The following CSMD1 variants were observed in gnomAD, a reference collection of about 807,000 sequenced individuals.
CSMD1 encodes the protein CUB and sushi domain-containing protein 1.
A neutral mutation model predicts 417.5 loss-of-function variants in CSMD1; 213 were observed. The observed-to-expected ratio is 0.51, with a 90% CI of 0.46 to 0.57. The LOEUF is 0.57. CSMD1 is among the 20% of genes least tolerant of loss of function. The pLI, the probability that CSMD1 is intolerant of heterozygous loss-of-function variation, is 0.00. For missense variants in CSMD1, 6,923 were observed against 4,529.7 expected (o/e 1.53, Z -15.17); for synonymous variants, 2,862 against 1,736.8 (o/e 1.65, Z -16.11).
At chr8:3,006,864 C>G in intron 52 of CSMD1, among the ~76,000 whole-genome samples, 1 of 143,354 alleles carries the variant, frequency 7.0e-6, no homozygotes, top group Admixed American at 6.7e-5. Context: ...TAGGCATGGG[C>G]AAAGACTTCA....
At chr8:3,789,385 G>C (rs1253852599) in intron 5 of CSMD1, among the ~76,000 whole-genome samples, 1 of 61,228 alleles carries the variant, frequency 1.6e-5, no homozygotes, top group Non-Finnish European at 3.1e-5. Flanking sequence ...TTTTTTTTAA[G>C]TAGTGTTTTT....
intron 49 of CSMD1, among the ~76,000 whole-genome samples, chr8:3,057,035 C>G (rs1031113129): frequency 1.3e-5 from 2 of 151,900 alleles, no homozygotes; most frequent in South Asian, 4.2e-4. Flanking sequence ...ATATTAGAGA[C>G]AGATAATGGA....
At chr8:4,619,851 T>C (rs770557015) in intron 2 of CSMD1, among the ~76,000 whole-genome samples, 1 of 152,068 alleles carries the variant, frequency 6.6e-6, no homozygotes. Flanking sequence ...AATAATTCCA[T>C]GATAAAATGA....
chr8:3,407,034 G>T (rs540086684), intron 14 of CSMD1, among the ~76,000 whole-genome samples: 214 of 152,222 alleles, frequency 1.4e-3, no homozygotes, highest in African/African-American at 4.9e-3. Flanking sequence ...AGAATAGAAG[G>T]AAGAAAGGAA....
intron 7 of CSMD1, among the ~76,000 whole-genome samples, chr8:3,639,202 C>G (rs1312990829): frequency 1.3e-5 from 2 of 152,316 alleles, no homozygotes; most frequent in African/African-American, 4.8e-5. Context: ...AAAGTAAAGA[C>G]ACAGGCCTTG....
At chr8:4,439,434 T>A (rs969651086) in intron 2 of CSMD1, among the ~76,000 whole-genome samples, 2 of 152,150 alleles carry the variant, frequency 1.3e-5, no homozygotes, top group Admixed American at 6.5e-5. Context: ...AATGTAATGA[T>A]TTTCATCTAA....
intron 3 of CSMD1, among the ~76,000 whole-genome samples, chr8:4,260,317 T>A (rs976492602): frequency 2.0e-5 from 3 of 152,218 alleles, no homozygotes; most frequent in Non-Finnish European, 4.4e-5. Context: ...TTTTATGATG[T>A]GTCTGTTTTT....
At chr8:4,438,458 A>C (rs1319145883) in intron 2 of CSMD1, among the ~76,000 whole-genome samples, 1 of 152,200 alleles carries the variant, frequency 6.6e-6, no homozygotes, top group African/African-American at 2.4e-5. Flanking sequence ...TAACTGGGAC[A>C]TGTGGCAATG....
intron 5 of CSMD1, among the ~76,000 whole-genome samples, chr8:3,966,215 G>A (rs1188428614): frequency 7.9e-5 from 12 of 152,144 alleles, no homozygotes; most frequent in Non-Finnish European, 1.5e-4. Flanking sequence ...CAGATTGCCA[G>A]CTTATTGGCT....
rs1365522050 is a variant in CSMD1, at chr8:4,044,832, C to T, written c.416-12733G>A. Among the ~76,000 whole-genome samples, 4 of 152,336 alleles carry T rather than the reference C, an allele frequency of 2.6e-5. No individual in the cohort carries two copies. The East Asian group carries it at 5.8e-4, about 22-fold the overall frequency. On this transcript the variant is annotated intron_variant, in intron 3 of 69. Transcript: ENST00000635120. ...TGTGAACCATCCTCGATGAGTAGCA[C>T]CCCAGGCTTGTACCATGCTGGGGAC...
At chr8:3,793,338 A>G (rs578110242) in intron 5 of CSMD1, among the ~76,000 whole-genome samples, 4 of 152,302 alleles carry the variant, frequency 2.6e-5, no homozygotes, top group South Asian at 2.1e-4. Flanking sequence ...TAGAATGTCC[A>G]TGACTATCAT....
chr8:3,207,308 T>C (rs1379065920), intron 30 of CSMD1, among the ~76,000 whole-genome samples: 2 of 149,108 alleles, frequency 1.3e-5, no homozygotes, highest in East Asian at 4.0e-4. Context: ...CCAACACACC[T>C]GGCTGATTTT....
chr8:4,596,921 AG>A (rs1410114432), intron 2 of CSMD1, among the ~76,000 whole-genome samples: 1 of 152,150 alleles, frequency 6.6e-6, no homozygotes, highest in African/African-American at 2.4e-5. Context: ...TGGGTTTATC[AG>A]GGGTTTCCGC....
intron 20 of CSMD1, among the ~76,000 whole-genome samples, chr8:3,361,214 A>C (rs1809142798): frequency 6.6e-6 from 1 of 152,222 alleles, no homozygotes; most frequent in African/African-American, 2.4e-5. Flanking sequence ...AACATATTAA[A>C]ATAAAGATGT....
At position 3,018,509 on chromosome 8, in the gene CSMD1, C is replaced by T. The variant is rs1300705046; in HGVS notation, c.7997G>A (p.Gly2666Glu). The change falls in exon 52 of 70, where the codon GGG becomes GAG. Residue 2666 changes from glycine (G) to glutamate (E), a missense_variant. Physicochemically the swap from Gly to Glu is moderately conservative, Grantham distance 98 (BLOSUM62 -2). Coordinates refer to ENST00000635120, the MANE Select transcript of CSMD1 (RefSeq NM_033225.6). The stretch of plus-strand genomic sequence containing the variant: ...TCGAGTTTCGCTGCCGCTCCAGAGC[C>T]CATTTGCCAAGCACTCTCTGACATG... ...GSHVRECLANGLWSGSETRCL... is the reference protein window; with the variant it reads ...GSHVRECLANELWSGSETRCL... The T allele has an allele frequency of 6.2e-7, 1 of 1,613,496 alleles. No homozygotes were observed. Among genetic ancestry groups the T allele is most frequent in the South Asian group, 1.1e-5 (1 of 91,010 alleles).
intron 3 of CSMD1, among the ~76,000 whole-genome samples, chr8:4,363,901 G>T (rs1290581570): frequency 1.3e-5 from 2 of 152,170 alleles, no homozygotes; most frequent in South Asian, 2.1e-4. Context: ...CCAGAGTCTA[G>T]AAAGGGTGTA....
chr8:3,297,840 TAAAGAA>T (rs1309204606), intron 25 of CSMD1, among the ~76,000 whole-genome samples: 1 of 151,100 alleles, frequency 6.6e-6, no homozygotes, highest in East Asian at 2.0e-4. Context: ...TTGCTAACCG[TAAAGAA>T]AAAAAATGAG....
intron 17 of CSMD1, among the ~76,000 whole-genome samples, chr8:3,394,015 T>A (rs60802417): frequency 0.23 from 9,988 of 42,988 alleles, 1,455 homozygotes; most frequent in East Asian, 0.5. Flanking sequence ...AAATAAATTA[T>A]ATATATATAT....
At chr8:3,797,987 G>C (rs143313808) in intron 5 of CSMD1, among the ~76,000 whole-genome samples, 1 of 151,922 alleles carries the variant, frequency 6.6e-6, no homozygotes, top group African/African-American at 2.4e-5. Context: ...GTTTCAACGT[G>C]CATTTCCTTG....
Sources: allele counts gnomAD v4.1 joint callset (sites outside exome capture counted in the v4.1 genomes callset), GRCh38; gene constraint gnomAD v4.1.1; transcripts MANE v1.5; gene names NCBI Gene and HGNC (gene_info 2026-07-23, HGNC 2026-07-21).